The following HEPH variants were observed in gnomAD, a reference collection of about 807,000 sequenced individuals.
HEPH encodes the protein hephaestin.
In HEPH, 69 loss-of-function variants were observed where a neutral mutation model predicts 80.8. That is an observed-to-expected ratio of 0.85 (90% CI 0.70 to 1.04). HEPH has a LOEUF of 1.04. Ranked by LOEUF, HEPH falls within the 50% of genes least tolerant of loss-of-function variation. The probability of loss-of-function intolerance (pLI) is 0.00; values close to 1 mark genes in which losing one functional copy is unlikely to be tolerated. For missense variants in HEPH, 1,115 were observed against 891.3 expected (o/e 1.25, Z -3.20); for synonymous variants, 431 against 322.8 (o/e 1.34, Z -3.60).
At chrX:66,233,553 C>T (rs1009613508) in intron 15 of HEPH, among the ~76,000 whole-genome samples, 1 of 110,885 alleles carries the variant, frequency 9.0e-6, no homozygotes, top group Non-Finnish European at 1.9e-5. Flanking sequence ...TTTTCTTTTG[C>T]CCAATGTTAA....
At chrX:66,267,724 G>A (rs966090732), downstream of HEPH, 1 of 111,749 alleles carries the variant, frequency 8.9e-6, no homozygotes, top group Admixed American at 9.5e-5. Context: ...GGCAGTGGTG[G>A]TGTGAAAGGT....
intron 4 of HEPH, among the ~76,000 whole-genome samples, chrX:66,176,670 C>T (rs889853878): frequency 9.0e-6 from 1 of 110,701 alleles, no homozygotes; most frequent in Non-Finnish European, 1.9e-5. Flanking sequence ...CCACAACAGT[C>T]CCTGGTGTGT....
At chrX:66,175,482 C>T (rs2086762996) in intron 4 of HEPH, among the ~76,000 whole-genome samples, 1 of 111,696 alleles carries the variant, frequency 9.0e-6, no homozygotes, top group Non-Finnish European at 1.9e-5. Flanking sequence ...CTTGCTTTGG[C>T]TATGCAGGCG....
chrX:66,162,827 C>A (rs1431423824), upstream of HEPH: 1 of 1,155,589 alleles, frequency 8.7e-7, no homozygotes, highest in South Asian at 1.9e-5. Flanking sequence ...ATGTGCCCAG[C>A]CTGCCTGGAG....
At chrX:66,257,687 G>T (rs186467070) in intron 17 of HEPH, among the ~76,000 whole-genome samples, 27 of 112,091 alleles carry the variant, frequency 2.4e-4, no homozygotes, top group South Asian at 1.1e-3. Context: ...CATTTCTGTG[G>T]CCTGATTGAT....
At chrX:66,166,106 G>T (rs2086349628) in intron 1 of HEPH, among the ~76,000 whole-genome samples, 1 of 111,918 alleles carries the variant, frequency 8.9e-6, no homozygotes, top group Admixed American at 9.5e-5. Context: ...ACCAATAAAT[G>T]ATGAATCCAG....
At chrX:66,195,352 TTGAA>T (rs1385407162) in intron 9 of HEPH, 123 bp downstream of exon 9, 11 of 489,475 alleles carry the variant, frequency 2.2e-5, no homozygotes, top group Admixed American at 1.8e-4. Context: ...GTGGATGTTG[TTGAA>T]TGAATGAATA....
chrX:66,179,512 A>G (rs771612087), intron 4 of HEPH, among the ~76,000 whole-genome samples: 55 of 112,029 alleles, frequency 4.9e-4, no homozygotes, highest in African/African-American at 1.5e-3. Context: ...TGGAGATGAC[A>G]TTGAATCTAT....
intron 15 of HEPH, among the ~76,000 whole-genome samples, chrX:66,220,206 G>A (rs866893718): frequency 9.0e-6 from 1 of 111,487 alleles, no homozygotes; most frequent in Non-Finnish European, 1.9e-5. Flanking sequence ...ATACATAACA[G>A]GAAGTGACAT....
intron 15 of HEPH, among the ~76,000 whole-genome samples, chrX:66,215,801 G>T (rs772801105): frequency 2.7e-5 from 3 of 111,848 alleles, no homozygotes; most frequent in Non-Finnish European, 3.8e-5. Flanking sequence ...GGGACTGTGA[G>T]TTGTCTTGCT....
chrX:66,208,084 T>G, intron 14 of HEPH, 31 bp from the exon 15 acceptor site: 1 of 1,092,778 alleles, frequency 9.2e-7, no homozygotes. Flanking sequence ...TAATGAAACT[T>G]TATTTATTTA....
At chrX:66,225,689 A>G (rs1228293090) in intron 15 of HEPH, among the ~76,000 whole-genome samples, 1 of 112,415 alleles carries the variant, frequency 8.9e-6, no homozygotes, top group East Asian at 2.8e-4. Context: ...CACTGGGGCA[A>G]TTGCCTACTT....
At chrX:66,168,016 C>T (rs959941852) in intron 1 of HEPH, among the ~76,000 whole-genome samples, 2 of 111,808 alleles carry the variant, frequency 1.8e-5, no homozygotes, top group African/African-American at 6.5e-5. Flanking sequence ...TACACAGCGA[C>T]CTCTAAAAAA....
At chrX:66,187,131 C>T (rs898857742) in intron 4 of HEPH, among the ~76,000 whole-genome samples, 1 of 111,231 alleles carries the variant, frequency 9.0e-6, no homozygotes, top group African/African-American at 3.3e-5. Flanking sequence ...TTTATCCCTT[C>T]ACTTCTTATT....
intron 15 of HEPH, among the ~76,000 whole-genome samples, chrX:66,247,331 C>T (rs1259203938): frequency 9.4e-6 from 1 of 106,046 alleles, no homozygotes; most frequent in Non-Finnish European, 1.9e-5. Flanking sequence ...CCTACAGGTC[C>T]CTTATGCTCT....
At chrX:66,230,827 T>G (rs2090099712) in intron 15 of HEPH, among the ~76,000 whole-genome samples, 1 of 99,036 alleles carries the variant, frequency 1.0e-5, no homozygotes, top group Non-Finnish European at 2.0e-5. Context: ...TTGCTTTTGG[T>G]GTTTTGGACA....
chrX:66,236,883 C>T (rs1205258963), intron 15 of HEPH, among the ~76,000 whole-genome samples: 1 of 111,381 alleles, frequency 9.0e-6, no homozygotes, highest in African/African-American at 3.3e-5. Context: ...TCAATTTCCT[C>T]TAGATTGTCT....
chrX:66,211,342 G>A (rs991430722), intron 15 of HEPH, among the ~76,000 whole-genome samples: 4 of 111,592 alleles, frequency 3.6e-5, no homozygotes, highest in African/African-American at 1.3e-4. Flanking sequence ...TAGTGATCAA[G>A]TCAGAATATG....
intron 15 of HEPH, among the ~76,000 whole-genome samples, chrX:66,234,663 G>A (rs2090289885): frequency 9.3e-6 from 1 of 107,467 alleles, no homozygotes; most frequent in Admixed American, 1.0e-4. Flanking sequence ...TTTAGAGGTA[G>A]TCTTGCTCTG....
Sources: gnomAD v4.1 joint callset for allele counts (sites outside exome capture counted in the v4.1 genomes callset) on GRCh38, gnomAD v4.1.1 for gene constraint, MANE v1.5 for transcripts, NCBI Gene and HGNC (gene_info 2026-07-23, HGNC 2026-07-21) for gene names.